The following ABTB3 variants were observed in gnomAD, a reference collection of about 807,000 sequenced individuals.
ABTB3 encodes ankyrin repeat and BTB domain containing 3.
At chr12:107,529,269 ATGATGG>A in the ABTB3 span, among the ~76,000 whole-genome samples, 5 of 146,612 alleles carry the variant, frequency 3.4e-5, no homozygotes, top group South Asian at 2.3e-4. Context: ...CATGTTGATG[ATGATGG>A]TGATGGTGAT....
chr12:107,368,652 C>T, the ABTB3 span, among the ~76,000 whole-genome samples: 4 of 152,154 alleles, frequency 2.6e-5, no homozygotes, highest in East Asian at 1.9e-4. Flanking sequence ...AACTTGGTTT[C>T]GATAATCAGT....
the ABTB3 span, among the ~76,000 whole-genome samples, chr12:107,655,856 T>C: frequency 2.6e-5 from 4 of 152,170 alleles, no homozygotes; most frequent in African/African-American, 7.2e-5. Context: ...GTTCATCAGA[T>C]TGAATCTCAG....
At chr12:107,536,370 A>C in the ABTB3 span, among the ~76,000 whole-genome samples, 7 of 152,204 alleles carry the variant, frequency 4.6e-5, no homozygotes, top group Non-Finnish European at 1.5e-5. Context: ...ACAGGCAACA[A>C]AACCAAAAAT....
chr12:107,378,793 G>A, the ABTB3 span, among the ~76,000 whole-genome samples: 1 of 152,322 alleles, frequency 6.6e-6, no homozygotes, highest in East Asian at 1.9e-4. Context: ...TGTCACTTGT[G>A]AAAACGTCCC....
At chr12:107,621,351 C>T in the ABTB3 span, among the ~76,000 whole-genome samples, 1 of 152,150 alleles carries the variant, frequency 6.6e-6, no homozygotes. Flanking sequence ...CAAAACCAAA[C>T]TCCCCACCTG....
At chr12:107,410,039 C>G in the ABTB3 span, among the ~76,000 whole-genome samples, 1 of 152,152 alleles carries the variant, frequency 6.6e-6, no homozygotes, top group Non-Finnish European at 1.5e-5. Context: ...CCATGAAGCC[C>G]TGGCCCAGCT....
At chr12:107,600,602 A>G in the ABTB3 span, among the ~76,000 whole-genome samples, 1 of 152,208 alleles carries the variant, frequency 6.6e-6, no homozygotes, top group South Asian at 2.1e-4. Context: ...CACAACAGCC[A>G]AACACCTCAG....
chr12:107,370,820 T>A, the ABTB3 span, among the ~76,000 whole-genome samples: 1 of 149,676 alleles, frequency 6.7e-6, no homozygotes, highest in South Asian at 2.1e-4. Flanking sequence ...ATCCCTTGGT[T>A]GTGGCTCTGT....
the ABTB3 span, among the ~76,000 whole-genome samples, chr12:107,390,318 G>C: frequency 6.6e-6 from 1 of 152,202 alleles, no homozygotes; most frequent in Non-Finnish European, 1.5e-5. Flanking sequence ...TTATGGATGA[G>C]AGAATAGCCT....
the ABTB3 span, among the ~76,000 whole-genome samples, chr12:107,465,730 T>C: frequency 6.6e-6 from 1 of 152,134 alleles, no homozygotes; most frequent in Admixed American, 6.5e-5. Context: ...CCACCTGACC[T>C]CAGGGGCCTG....
chr12:107,519,855 C>T, the ABTB3 span, among the ~76,000 whole-genome samples: 1 of 152,134 alleles, frequency 6.6e-6, no homozygotes, highest in Non-Finnish European at 1.5e-5. Context: ...CCCAGCTTCT[C>T]ACTGAATGTT....
chr12:107,410,106 G>A, the ABTB3 span, among the ~76,000 whole-genome samples: 5 of 151,788 alleles, frequency 3.3e-5, no homozygotes, highest in South Asian at 2.1e-4. Context: ...AGAGCACATC[G>A]GCCCAGCCAC....
chr12:107,406,881 C>T, the ABTB3 span, among the ~76,000 whole-genome samples: 1 of 152,180 alleles, frequency 6.6e-6, no homozygotes, highest in Admixed American at 6.5e-5. Context: ...CTAAACTCCC[C>T]CAGCCTCAGC....
the ABTB3 span, among the ~76,000 whole-genome samples, chr12:107,586,263 C>T: frequency 6.6e-6 from 1 of 152,214 alleles, no homozygotes; most frequent in African/African-American, 2.4e-5. Context: ...GCCATTTCCC[C>T]CAGTCATGTC....
the ABTB3 span, among the ~76,000 whole-genome samples, chr12:107,385,629 G>A: frequency 6.6e-6 from 1 of 152,268 alleles, no homozygotes; most frequent in Admixed American, 6.5e-5. Context: ...TGCCTGGCAG[G>A]GCTGAGATGT....
chr12:107,624,408 C>T, the ABTB3 span, among the ~76,000 whole-genome samples: 2 of 152,102 alleles, frequency 1.3e-5, no homozygotes, highest in Admixed American at 6.6e-5. Context: ...AATATCACAA[C>T]CAACATAGTG....
At chr12:107,481,883 G>GTCTCTCTCTCTC in the ABTB3 span, among the ~76,000 whole-genome samples, 4,130 of 108,056 alleles carry the variant, frequency 0.038, 191 homozygotes, top group Admixed American at 0.049. Flanking sequence ...GAAATCAAGA[G>GTCTCTCTCTCTC]TCTCTCTCTC....
At chr12:107,408,839 T>C in the ABTB3 span, among the ~76,000 whole-genome samples, 1 of 152,220 alleles carries the variant, frequency 6.6e-6, no homozygotes, top group African/African-American at 2.4e-5. Context: ...AAGTGTTAAC[T>C]GAGATTGAAC....
the ABTB3 span, chr12:107,620,140 GT>G: frequency 2.5e-6 from 4 of 1,614,196 alleles, no homozygotes; most frequent in Non-Finnish European, 3.4e-6. Flanking sequence ...TGCCCCTGAT[GT>G]TTGAGATCCT....
Sources: gnomAD v4.1 joint callset for allele counts (sites outside exome capture counted in the v4.1 genomes callset) on GRCh38, gnomAD v4.1.1 for gene constraint, MANE v1.5 for transcripts, NCBI Gene and HGNC (gene_info 2026-07-23, HGNC 2026-07-21) for gene names.